Variants in DNAH5 observed in about 807,000 individuals in gnomAD.
DNAH5 encodes the protein axonemal beta dynein heavy chain 5.
A neutral mutation model predicts 518.2 loss-of-function variants in DNAH5; 372 were observed. That is an observed-to-expected ratio of 0.72 (90% confidence interval 0.66 to 0.78). DNAH5 has a LOEUF of 0.78. Among genes scored for constraint, DNAH5 ranks in the 30% least tolerant of loss-of-function variants. The probability of loss-of-function intolerance (pLI) is 0.00; values close to 1 mark genes in which losing one functional copy is unlikely to be tolerated. For synonymous variants in DNAH5, 2,039 were observed against 2,025.9 expected (o/e 1.01, Z -0.17); for missense variants, 5,523 against 5,687.0 (o/e 0.97, Z 0.93).
At chr5:13,696,946 GTTC>G (rs1269922417) in intron 78 of DNAH5, among the ~76,000 whole-genome samples, 2 of 152,106 alleles carry the variant, frequency 1.3e-5, no homozygotes, top group Admixed American at 6.5e-5. Context: ...GGTGGGTATA[GTTC>G]TTCTATAAAA....
Position 13,867,994 on chromosome 5 carries a change from TA to T in DNAH5, c.3835-3del, listed in dbSNP as rs35398031. The stretch of plus-strand genomic sequence containing the variant: ...TCTGTTAAGCAGGGCATAAGATTCC[TA>T]AAAAAAAATAGGAAAAACTTAATTT... On this transcript the variant is annotated splice_polypyrimidine_tract_variant and splice_region_variant and intron_variant, in intron 24 of 78. Transcript: ENST00000265104. 0.43 allele frequency: 688,509 copies of T among 1,599,786 alleles called. 149,799 individuals are homozygous for T. Among genetic ancestry groups the T allele is most frequent in the South Asian group, 0.47 (42,412 of 90,514 alleles).
intron 1 of DNAH5, among the ~76,000 whole-genome samples, chr5:13,991,848 A>G (rs1238727513): frequency 6.6e-6 from 1 of 152,202 alleles, no homozygotes; most frequent in Non-Finnish European, 1.5e-5. Context: ...TTAGGCAAAA[A>G]TCTCCATCTG....
At chr5:13,940,110 G>A (rs918627969) in intron 1 of DNAH5, among the ~76,000 whole-genome samples, 3 of 151,940 alleles carry the variant, frequency 2.0e-5, no homozygotes, top group Admixed American at 6.6e-5. Context: ...TAGCATTTAC[G>A]ATGTGTGAAT....
chr5:13,862,482 C>T, intron 29 of DNAH5, 66 bp downstream of exon 29: 1 of 1,485,210 alleles, frequency 6.7e-7, no homozygotes, highest in Admixed American at 1.7e-5. Flanking sequence ...ATGGATTTTT[C>T]ATTAATTTTA....
Position 13,807,590 on chromosome 5 carries a change from C to A in DNAH5, c.7887+1G>T. ...ACTGAGCCATACCAAAGAGCCAGTACCTGGAACATCAGTGGGGTGGTTGCA... is the reference window on the plus strand; with the variant it reads ...ACTGAGCCATACCAAAGAGCCAGTAACTGGAACATCAGTGGGGTGGTTGCA... On this transcript the variant is annotated splice_donor_variant, in intron 47 of 78. Coordinates refer to ENST00000265104, the MANE Select transcript of DNAH5 (RefSeq NM_001369.3). LOFTEE classifies it high-confidence loss of function. The A allele has an allele frequency of 1.2e-6, 2 of 1,613,394 alleles. No homozygotes were observed. The highest frequency in any genetic ancestry group is 1.7e-6 in the Non-Finnish European group (2 of 1,179,612).
At chr5:13,722,912 G>C (rs900194127) in intron 70 of DNAH5, among the ~76,000 whole-genome samples, 1 of 152,168 alleles carries the variant, frequency 6.6e-6, no homozygotes, top group African/African-American at 2.4e-5. Flanking sequence ...ACCTCTACCT[G>C]GTTTCCCAAA....
upstream of DNAH5, among the ~76,000 whole-genome samples, chr5:13,947,609 C>G (rs1780034800): frequency 6.6e-6 from 1 of 152,120 alleles, no homozygotes; most frequent in Admixed American, 6.5e-5. Context: ...TAACCTAACC[C>G]ACACATTTCA....
At chr5:13,765,951 A>C (rs1414073361) in intron 59 of DNAH5, 25 bp downstream of exon 59, 1 of 1,608,320 alleles carries the variant, frequency 6.2e-7, no homozygotes, top group Admixed American at 1.7e-5. Flanking sequence ...GTTCCCTCTT[A>C]GCCCATCACC....
chr5:13,901,520 T>C lies in DNAH5; in HGVS notation c.1784A>G (p.Asn595Ser). The change falls in exon 14 of 79, where the codon AAC becomes AGC. Residue 595 changes from asparagine to serine, a missense_variant. Asn to Ser is a conservative substitution (Grantham distance 46). Transcript: ENST00000265104. The stretch of plus-strand genomic sequence containing the variant: ...AATCATATCAATGTCAGCCCCATAG[T>C]TCTCAAGGATAAGTTGATATTTGTC... ...IDDKYQLILE[N>S]YGADIDMISK... 6.2e-7 allele frequency: 1 copy of C among 1,613,724 alleles called. No homozygotes were observed. Among genetic ancestry groups the C allele is most frequent in the Non-Finnish European group, 8.5e-7 (1 of 1,179,970 alleles).
Position 13,691,973 on chromosome 5 carries a change from C to A in DNAH5, c.*11G>T, listed in dbSNP as rs756808089. On this transcript the variant is annotated 3_prime_UTR_variant, in exon 79 of 79. Coordinates refer to ENST00000265104, the MANE Select transcript of DNAH5 (RefSeq NM_001369.3). The stretch of plus-strand genomic sequence containing the variant: ...TTTTCCAAAGCATTGGGTGGGGACA[C>A]TCCCCACATGTTACTTGACATCACA... 4 of 1,613,994 alleles carry A rather than the reference C, an allele frequency of 2.5e-6. No individual in the cohort carries two copies. The South Asian group carries it at 4.4e-5, about 18-fold the overall frequency.
At chr5:13,871,488 TG>T in intron 23 of DNAH5, 75 bp downstream of exon 23, 1 of 1,279,002 alleles carries the variant, frequency 7.8e-7, no homozygotes, top group Non-Finnish European at 1.1e-6. Flanking sequence ...TAGAACTCTC[TG>T]GAATACAAAT....
intron 28 of DNAH5, 48 bp downstream of exon 28, chr5:13,864,349 A>C (rs1488673099): frequency 6.2e-7 from 1 of 1,609,564 alleles, no homozygotes; most frequent in East Asian, 2.2e-5. Context: ...AAATGTTATC[A>C]AATAAATCCC....
At chr5:13,991,537 G>A (rs908576624) in intron 1 of DNAH5, among the ~76,000 whole-genome samples, 1 of 147,634 alleles carries the variant, frequency 6.8e-6, no homozygotes, top group Non-Finnish European at 1.5e-5. Context: ...AGGAGGGGAG[G>A]GGAGGGGGAG....
intron 61 of DNAH5, among the ~76,000 whole-genome samples, chr5:13,757,261 C>CAA (rs1751128216): frequency 6.6e-6 from 1 of 152,150 alleles, no homozygotes; most frequent in Non-Finnish European, 1.5e-5. Context: ...TCTGTTTTTA[C>CAA]GTCTTTGAGG....
chr5:13,892,732 A>G (rs1472340220), intron 16 of DNAH5, among the ~76,000 whole-genome samples: 1 of 152,188 alleles, frequency 6.6e-6, no homozygotes, highest in African/African-American at 2.4e-5. Flanking sequence ...TTTGATTATG[A>G]TAACTCATTA....
intron 22 of DNAH5, among the ~76,000 whole-genome samples, chr5:13,872,338 T>C (rs960849101): frequency 6.6e-6 from 1 of 152,166 alleles, no homozygotes; most frequent in African/African-American, 2.4e-5. Context: ...TCACATAAAA[T>C]GTATAATTCA....
intron 21 of DNAH5, among the ~76,000 whole-genome samples, chr5:13,880,693 T>C (rs906203549): frequency 2.7e-5 from 4 of 149,926 alleles, no homozygotes; most frequent in African/African-American, 9.8e-5. Flanking sequence ...CCATAAGAGA[T>C]ACATAAAAGA....
At chr5:13,864,300 T>A in intron 28 of DNAH5, 97 bp downstream of exon 28, 1 of 1,522,044 alleles carries the variant, frequency 6.6e-7, no homozygotes, top group Non-Finnish European at 9.0e-7. Flanking sequence ...GTTTCAATTG[T>A]CTGAGTGTAG....
intron 52 of DNAH5, among the ~76,000 whole-genome samples, chr5:13,783,473 A>G (rs935639393): frequency 6.6e-6 from 1 of 152,172 alleles, no homozygotes; most frequent in African/African-American, 2.4e-5. Flanking sequence ...ACAAGGTAGT[A>G]TATGGGTGGG....
Sources: allele counts gnomAD v4.1 joint callset (sites outside exome capture counted in the v4.1 genomes callset), GRCh38; gene constraint gnomAD v4.1.1; transcripts MANE v1.5; gene names NCBI Gene and HGNC (gene_info 2026-07-23, HGNC 2026-07-21).